Variants in MED1 observed in about 807,000 individuals in gnomAD.
The protein encoded by MED1 is mediator complex subunit 1.
Under a neutral mutation model 121.3 loss-of-function variants are expected in MED1, and 17 were observed. The observed-to-expected ratio is 0.14, with a 90% CI of 0.10 to 0.21. MED1 has a LOEUF of 0.21. Among genes scored for constraint, MED1 ranks in the 10% least tolerant of loss-of-function variants. The pLI is 1.00. For synonymous variants in MED1, 661 were observed against 694.4 expected, an observed-to-expected ratio of 0.95 and a Z score of 0.76; for missense variants, 1,558 against 1,919.4, an observed-to-expected ratio of 0.81 and a Z score of 3.52.
At position 39,426,830 on chromosome 17, in the gene MED1, G is replaced by A. The variant is rs181480613; in HGVS notation, c.739+871C>T. On this transcript the variant is annotated intron_variant, in intron 10 of 16. Coordinates refer to ENST00000300651, the MANE Select transcript of MED1 (RefSeq NM_004774.4). ...ATTACAGGCATGAGCCACCGCGCCC[G>A]GCAGTCTATCTCTCTTTATCTTTTC... Among the ~76,000 whole-genome samples the A allele has an allele frequency of 1.4e-3, 218 of 151,996 alleles. 1 individual carries two copies. The highest frequency in any genetic ancestry group is 2.6e-3 in the Non-Finnish European group (175 of 67,924).
chr17:39,450,720 A>C (rs979460353), intron 1 of MED1, among the ~76,000 whole-genome samples: 3 of 152,124 alleles, frequency 2.0e-5, no homozygotes, highest in Non-Finnish European at 4.4e-5. Context: ...ACACAGCCCT[A>C]AATTTATTCA....
chr17:39,427,582 T>G (rs1443350311), intron 10 of MED1, 119 bp downstream of exon 10: 2 of 652,164 alleles, frequency 3.1e-6, no homozygotes, highest in South Asian at 1.9e-5. Context: ...TGTGAGGTGT[T>G]GTGTGTATAA....
chr17:39,435,424 T>G (rs1409418147), intron 6 of MED1, among the ~76,000 whole-genome samples: 5 of 152,102 alleles, frequency 3.3e-5, no homozygotes, highest in African/African-American at 1.2e-4. Context: ...TGGGCTTTTG[T>G]GGATAGGTTT....
intron 6 of MED1, among the ~76,000 whole-genome samples, chr17:39,437,175 G>A (rs891254755): frequency 1.3e-5 from 2 of 152,084 alleles, no homozygotes; most frequent in Non-Finnish European, 2.9e-5. Context: ...CAGGTGATCC[G>A]CCTGCCTCGG....
intron 14 of MED1, among the ~76,000 whole-genome samples, chr17:39,419,435 T>C (rs1427433404): frequency 2.7e-5 from 4 of 148,662 alleles, no homozygotes; most frequent in Non-Finnish European, 5.9e-5. Context: ...TGAGACAGAG[T>C]CTTGCTCTGT....
intron 2 of MED1, 88 bp downstream of exon 2, chr17:39,447,710 T>G: frequency 1.1e-6 from 1 of 894,360 alleles, no homozygotes; most frequent in Non-Finnish European, 1.8e-6. Flanking sequence ...TTTATGAAGA[T>G]AGTATGAACA....
intron 14 of MED1, among the ~76,000 whole-genome samples, chr17:39,416,105 TATGTCATCCACAG>T (rs1260274253): frequency 6.6e-6 from 1 of 152,100 alleles, no homozygotes; most frequent in African/African-American, 2.4e-5. Flanking sequence ...AAACCTACTA[TATGTCATCCACAG>T]ATGACAGAAG....
intron 13 of MED1, among the ~76,000 whole-genome samples, chr17:39,422,832 G>GC (rs2048479106): frequency 6.9e-6 from 1 of 145,712 alleles, no homozygotes; most frequent in Non-Finnish European, 1.5e-5. Flanking sequence ...GGAAGCTCAT[G>GC]CCCTTTTACT....
Position 39,405,237 on chromosome 17 carries a change from A to G in MED1, c.*2238T>C. 6 of 1,591,350 alleles carry G rather than the reference A, an allele frequency of 3.8e-6. No individual in the cohort carries two copies. Among genetic ancestry groups the G allele is most frequent in the Non-Finnish European group, 5.1e-6 (6 of 1,168,864 alleles). ...GTTAAGCAAGTTCAGATGCTGGGTC[A>G]GTGTGGGGGTGAGCCCATCGACAAT... On this transcript the variant is annotated 3_prime_UTR_variant, in exon 17 of 17. Transcript: ENST00000300651.
chr17:39,449,815 T>TA (rs2048764551), intron 1 of MED1, among the ~76,000 whole-genome samples: 1 of 143,166 alleles, frequency 7.0e-6, no homozygotes, highest in Non-Finnish European at 1.5e-5. Context: ...CGGCCTTTTT[T>TA]TTTTTTTTTT....
chr17:39,436,133 C>A (rs545382178), intron 6 of MED1, among the ~76,000 whole-genome samples: 10 of 151,760 alleles, frequency 6.6e-5, no homozygotes, highest in Non-Finnish European at 1.0e-4. Context: ...GAGGCCGAGG[C>A]GGGCAGATCA....
intron 1 of MED1, among the ~76,000 whole-genome samples, chr17:39,448,324 C>T (rs183509709): frequency 8.9e-5 from 13 of 146,176 alleles, no homozygotes; most frequent in Admixed American, 2.7e-4. Context: ...GAGCCGAGAT[C>T]ACACTATTGC....
At chr17:39,449,956 A>T (rs1199163963) in intron 1 of MED1, among the ~76,000 whole-genome samples, 1 of 26,218 alleles carries the variant, frequency 3.8e-5, no homozygotes, top group African/African-American at 5.5e-5. Context: ...CTGGGATTAC[A>T]GGCATTCACC....
chr17:39,422,357 G>A (rs991608216), intron 13 of MED1, among the ~76,000 whole-genome samples: 1 of 148,852 alleles, frequency 6.7e-6, no homozygotes, highest in Admixed American at 6.8e-5. Context: ...GTAGAGATGG[G>A]GTTTCACCCT....
rs369541024 is a variant in MED1 at position 39,408,523 on chromosome 17, T to C, written c.3698A>G (p.His1233Arg). 1.5e-5 allele frequency: 25 copies of C among 1,614,158 alleles called. No homozygotes were observed. Among genetic ancestry groups the C allele is most frequent in the Non-Finnish European group, 2.0e-5 (24 of 1,180,020 alleles). ...SPISSGSGGS[H>R]MSGTSSSSGM... The stretch of plus-strand genomic sequence containing the variant: ...AGAGCTTGAACTAGTTCCAGACATA[T>C]GAGAACCACCAGAACCTGAACTGAT... Residue 1233 changes from histidine to arginine, a missense_variant, in exon 17 of 17, where the codon CAT becomes CGT. His to Arg is a conservative substitution (Grantham distance 29, BLOSUM62 0). This residue lies in a region of MED1 where 793 missense variants were observed against 898.2 expected (regional missense o/e 0.88). Transcript: ENST00000300651. The surrounding 1 kb of genome is among the most constrained non-coding windows in gnomAD (Gnocchi z 4.7).
chr17:39,442,968 G>T (rs1288244206), intron 3 of MED1, among the ~76,000 whole-genome samples: 3 of 137,300 alleles, frequency 2.2e-5, no homozygotes, highest in African/African-American at 8.0e-5. Flanking sequence ...AAATAAATGT[G>T]AAGGGAAAAA....
intron 13 of MED1, among the ~76,000 whole-genome samples, chr17:39,420,309 C>T (rs1406265617): frequency 6.6e-6 from 1 of 151,046 alleles, no homozygotes; most frequent in African/African-American, 2.4e-5. Context: ...ATGCCATTCT[C>T]CTGCCTCAGC....
intron 9 of MED1, among the ~76,000 whole-genome samples, chr17:39,428,877 A>T (rs183325154): frequency 1.7e-4 from 26 of 149,774 alleles, no homozygotes; most frequent in African/African-American, 5.4e-4. Flanking sequence ...GCTTGAACCC[A>T]GGAGGTGGAG....
At chr17:39,437,999 C>G (rs146492869) in intron 6 of MED1, among the ~76,000 whole-genome samples, 76 of 151,730 alleles carry the variant, frequency 5.0e-4, no homozygotes, top group Middle Eastern at 3.4e-3. Context: ...GAGCCGAGAC[C>G]GCACCATTAT....
Sources: allele counts gnomAD v4.1 joint callset (sites outside exome capture counted in the v4.1 genomes callset), GRCh38; gene constraint gnomAD v4.1.1; regional missense constraint gnomAD v4.1.1; non-coding constraint Gnocchi (gnomAD v3.1); transcripts MANE v1.5; gene names NCBI Gene and HGNC (gene_info 2026-07-23, HGNC 2026-07-21).